Variants in ARHGAP28 observed in about 807,000 individuals in gnomAD.
ARHGAP28 encodes the protein rho GTPase-activating protein 28.
Under a neutral mutation model 90.7 loss-of-function variants are expected in ARHGAP28, and 56 were observed. The observed-to-expected ratio is 0.62, with a 90% CI of 0.50 to 0.77. The LOEUF (loss-of-function observed/expected upper bound fraction) is 0.77. ARHGAP28 is among the 30% of genes least tolerant of loss of function. The probability of loss-of-function intolerance (pLI) is 0.00; values close to 1 mark genes in which losing one functional copy is unlikely to be tolerated. For synonymous variants in ARHGAP28, 308 were observed against 323.3 expected (o/e 0.95, Z 0.51); for missense variants, 869 against 900.9 (o/e 0.96, Z 0.45).
rs889498791 is a variant in ARHGAP28, at chr18:6,758,679, A to T, written c.122+28736A>T. Reference sequence around the variant, plus strand: ...AACCAGAAGGGAAAGGGTGAGAAATACAAATTGTCCAGTTTTCCTCCTAGC... The same window carrying T: ...AACCAGAAGGGAAAGGGTGAGAAATTCAAATTGTCCAGTTTTCCTCCTAGC... On this transcript the variant is annotated intron_variant, in intron 1 of 17. Coordinates refer to ENST00000383472, the MANE Select transcript of ARHGAP28 (RefSeq NM_001366230.1). Among the ~76,000 whole-genome samples, 4 of 152,302 alleles carry T rather than the reference A, an allele frequency of 2.6e-5. No homozygotes were observed. In the East Asian group the frequency reaches 7.7e-4, roughly 29 times the overall value.
rs1229515235 is a variant in ARHGAP28, at chr18:6,882,213, C to A, written c.1367C>A (p.Ala456Glu). The A allele has an allele frequency of 1.2e-6, 2 of 1,613,874 alleles. No individual in the cohort carries two copies. The highest frequency in any genetic ancestry group is 1.3e-5 in the African/African-American group (1 of 74,906). Residue 456 changes from alanine (A) to glutamate (E), a missense_variant, in exon 11 of 18, where the codon GCA (alanine) becomes GAA (glutamate). By Grantham distance (107) the Ala-to-Glu change is moderately radical (BLOSUM62 -1). Coordinates refer to ENST00000383472, the MANE Select transcript of ARHGAP28 (RefSeq NM_001366230.1). The part of the protein sequence containing the change: ...KWDKMCHREA[A>E]VMLKAFFREL... ...GACAAAATGTGCCATAGAGAAGCTG[C>A]AGTAATGTTGAAAGCGTTTTTCAGA... is the stretch of plus-strand genomic sequence containing the variant.
intron 2 of ARHGAP28, among the ~76,000 whole-genome samples, chr18:6,831,947 G>A (rs1408790782): frequency 6.6e-6 from 1 of 152,046 alleles, no homozygotes; most frequent in African/African-American, 2.4e-5. Context: ...ATTATATAAT[G>A]TGCTTTTCTA....
intron 1 of ARHGAP28, among the ~76,000 whole-genome samples, chr18:6,768,380 G>A (rs893120615): frequency 3.3e-5 from 5 of 152,026 alleles, no homozygotes; most frequent in African/African-American, 7.2e-5. Flanking sequence ...AGGTTTTATT[G>A]CCTTTCTTTT....
intron 1 of ARHGAP28, among the ~76,000 whole-genome samples, chr18:6,750,523 T>C (rs1380902604): frequency 1.3e-5 from 2 of 152,230 alleles, no homozygotes; most frequent in African/African-American, 2.4e-5. Context: ...TATAAAAGAA[T>C]GTCAAAGACT....
At chr18:6,803,482 T>C (rs1419473142) in intron 1 of ARHGAP28, among the ~76,000 whole-genome samples, 1 of 152,146 alleles carries the variant, frequency 6.6e-6, no homozygotes, top group Non-Finnish European at 1.5e-5. Context: ...ATTGATTTGC[T>C]AAAATTTTGT....
intron 11 of ARHGAP28, among the ~76,000 whole-genome samples, chr18:6,886,864 A>G (rs1394346069): frequency 2.0e-5 from 3 of 152,142 alleles, no homozygotes; most frequent in Non-Finnish European, 4.4e-5. Context: ...GTATTAAAGG[A>G]AGGGAAGGTC....
intron 7 of ARHGAP28, 136 bp downstream of exon 7, chr18:6,870,868 T>G (rs2057080227): frequency 5.7e-6 from 5 of 875,652 alleles, no homozygotes; most frequent in South Asian, 5.5e-5. Flanking sequence ...TGGCGCGATC[T>G]CGGCTCACTG....
chr18:6,884,202 G>T (rs561466237), intron 11 of ARHGAP28, among the ~76,000 whole-genome samples: 36 of 152,038 alleles, frequency 2.4e-4, no homozygotes, highest in Non-Finnish European at 4.7e-4. Flanking sequence ...GTGAAACCCC[G>T]TCTCTACTAA....
chr18:6,880,909 T>G (rs1464961884), intron 10 of ARHGAP28, among the ~76,000 whole-genome samples: 1 of 152,254 alleles, frequency 6.6e-6, no homozygotes, highest in Admixed American at 6.5e-5. Context: ...GAGCCCACTC[T>G]ATCTCTTTCA....
intron 1 of ARHGAP28, among the ~76,000 whole-genome samples, chr18:6,736,754 AAAAAC>A (rs967440294): frequency 7.3e-6 from 1 of 137,620 alleles, no homozygotes; most frequent in Non-Finnish European, 1.5e-5. Flanking sequence ...TTTCAAAAAA[AAAAAC>A]AAAAAACAGA....
At chr18:6,815,350 G>A (rs2056583007) in intron 1 of ARHGAP28, among the ~76,000 whole-genome samples, 1 of 152,094 alleles carries the variant, frequency 6.6e-6, no homozygotes, top group Non-Finnish European at 1.5e-5. Context: ...CTCAACCCAT[G>A]CCCCTTTGGG....
At chr18:6,812,016 G>A (rs960988193) in intron 1 of ARHGAP28, among the ~76,000 whole-genome samples, 2 of 152,176 alleles carry the variant, frequency 1.3e-5, no homozygotes, top group African/African-American at 4.8e-5. Context: ...CAGGGTCAAT[G>A]AATACTTTTG....
At chr18:6,730,221 G>GTGTATATATATATATATATATATATATA (rs146889070) in intron 1 of ARHGAP28, 2 of 172,212 alleles carry the variant, frequency 1.2e-5, no homozygotes, top group African/African-American at 5.8e-5. Context: ...TAAGTCATGT[G>GTGTATATATATATATATATATATATATA]TATATATATA....
intron 1 of ARHGAP28, among the ~76,000 whole-genome samples, chr18:6,770,053 A>C (rs1424530804): frequency 3.3e-5 from 5 of 152,200 alleles, no homozygotes; most frequent in Non-Finnish European, 5.9e-5. Context: ...GAAATTAGCT[A>C]TCCTTCTATA....
chr18:6,821,381 G>C (rs185518204), intron 1 of ARHGAP28, among the ~76,000 whole-genome samples: 1 of 152,108 alleles, frequency 6.6e-6, no homozygotes, highest in Admixed American at 6.5e-5. Context: ...CATTCAATTT[G>C]TCATGTAATA....
At chr18:6,737,602 G>A (rs1016438945) in intron 1 of ARHGAP28, among the ~76,000 whole-genome samples, 2 of 152,070 alleles carry the variant, frequency 1.3e-5, no homozygotes, top group Admixed American at 1.3e-4. Flanking sequence ...TGGTTTCTTT[G>A]AGAGTCCTTT....
chr18:6,896,677 A>T lies in ARHGAP28; in HGVS notation c.2030+51A>T, dbSNP rs780060106. ...TGCACAAGAAGGAAAAACCTTTATC[A>T]GATGAATAACTTTCTAGGCATTTAC... is the stretch of plus-strand genomic sequence containing the variant. On this transcript the variant is annotated intron_variant, in intron 16 of 17. Transcript: ENST00000383472. The T allele has an allele frequency of 6.2e-6, 10 of 1,600,598 alleles. No homozygotes were observed. The South Asian group carries it at 1.1e-4, about 18-fold the overall frequency.
chr18:6,870,555 T>C, intron 6 of ARHGAP28, 35 bp from the exon 7 acceptor site: 3 of 1,551,714 alleles, frequency 1.9e-6, no homozygotes, highest in African/African-American at 2.8e-5. Context: ...TTAAATAGCA[T>C]ATTAAATAGT....
intron 1 of ARHGAP28, among the ~76,000 whole-genome samples, chr18:6,773,560 G>A (rs1434512641): frequency 2.0e-5 from 3 of 152,152 alleles, no homozygotes; most frequent in Non-Finnish European, 4.4e-5. Context: ...AATTTCAGAA[G>A]GGCTCAAAGC....
Sources: gnomAD v4.1 joint callset for allele counts (sites outside exome capture counted in the v4.1 genomes callset) on GRCh38, gnomAD v4.1.1 for gene constraint, MANE v1.5 for transcripts, NCBI Gene and HGNC (gene_info 2026-07-23, HGNC 2026-07-21) for gene names.